Variants in ZNF215 observed in about 807,000 individuals in gnomAD.
The protein encoded by ZNF215 is zinc finger protein 215, also known as BWSCR2-associated zinc finger protein 2.
ZNF215 carries 24 observed loss-of-function variants against 27.2 expected under a neutral mutation model. That is an observed-to-expected ratio of 0.88 (90% CI 0.64 to 1.24). ZNF215 has a LOEUF of 1.24. Among genes scored for constraint, ZNF215 ranks in the 50% most tolerant of loss-of-function variants. ZNF215 has a pLI of 0.00. For synonymous variants in ZNF215, 210 were observed against 204.0 expected (o/e 1.03, Z -0.25); for missense variants, 675 against 605.7 (o/e 1.11, Z -1.20).
chr11:6,958,752 A>T (rs1850455943), downstream of ZNF215, among the ~76,000 whole-genome samples: 1 of 152,150 alleles, frequency 6.6e-6, no homozygotes, highest in African/African-American at 2.4e-5. Flanking sequence ...AAAACCTCAA[A>T]AGTAGGGAAG....
At chr11:6,974,451 T>G (rs1387222295) in intron 5 of ZNF215, among the ~76,000 whole-genome samples, 1 of 152,230 alleles carries the variant, frequency 6.6e-6, no homozygotes, top group African/African-American at 2.4e-5. Flanking sequence ...GGTAGCTTGA[T>G]AGGGATGGCA....
chr11:6,968,997 A>G (rs1850674513), intron 5 of ZNF215, among the ~76,000 whole-genome samples: 3 of 152,108 alleles, frequency 2.0e-5, no homozygotes, highest in African/African-American at 7.2e-5. Flanking sequence ...ATTACATTCT[A>G]TGATTTCTTT....
intron 2 of ZNF215, among the ~76,000 whole-genome samples, chr11:6,928,164 G>C (rs1849126869): frequency 6.6e-6 from 1 of 151,916 alleles, no homozygotes; most frequent in Non-Finnish European, 1.5e-5. Flanking sequence ...CATTTATCAA[G>C]GATTTTCTAT....
downstream of ZNF215, among the ~76,000 whole-genome samples, chr11:6,960,962 A>C (rs1358483815): frequency 1.3e-5 from 2 of 152,150 alleles, no homozygotes; most frequent in Non-Finnish European, 2.9e-5. Flanking sequence ...CTGTAGGTCA[A>C]ATTTGACTCT....
chr11:6,942,805 CT>C (rs1191384812), intron 4 of ZNF215, among the ~76,000 whole-genome samples: 2 of 152,094 alleles, frequency 1.3e-5, no homozygotes, highest in Non-Finnish European at 2.9e-5. Context: ...TTCCAGTTGT[CT>C]TTTTTCCCCC....
chr11:6,963,574 A>G (rs1254412604), intron 5 of ZNF215, among the ~76,000 whole-genome samples: 1 of 152,072 alleles, frequency 6.6e-6, no homozygotes, highest in Non-Finnish European at 1.5e-5. Context: ...AGTTGGAGTT[A>G]AATATAAAAA....
chr11:6,952,591 A>C (rs1850121233), intron 6 of ZNF215, among the ~76,000 whole-genome samples: 2 of 151,704 alleles, frequency 1.3e-5, no homozygotes, highest in Non-Finnish European at 2.9e-5. Flanking sequence ...TGCTCGGTAG[A>C]TCTTCCTCCA....
chr11:6,974,988 C>A (rs1042927758), intron 5 of ZNF215, among the ~76,000 whole-genome samples: 2 of 152,094 alleles, frequency 1.3e-5, no homozygotes, highest in African/African-American at 4.8e-5. Flanking sequence ...AAAGGGAATG[C>A]TTTAAGTTTT....
chr11:6,962,726 C>T (rs1018362291), downstream of ZNF215, among the ~76,000 whole-genome samples: 2 of 152,038 alleles, frequency 1.3e-5, no homozygotes, highest in African/African-American at 4.8e-5. Flanking sequence ...TCCTTGGGCC[C>T]CAGTGCAGAC....
At chr11:6,987,072 G>T (rs1361232691), downstream of ZNF215, among the ~76,000 whole-genome samples, 1 of 152,106 alleles carries the variant, frequency 6.6e-6, no homozygotes, top group Admixed American at 6.6e-5. Flanking sequence ...TTATCAAAAC[G>T]ACACATGCAC....
downstream of ZNF215, among the ~76,000 whole-genome samples, chr11:6,987,208 T>C (rs1564980613): frequency 1.3e-5 from 2 of 152,188 alleles, no homozygotes; most frequent in Non-Finnish European, 2.9e-5. Flanking sequence ...ACGAATGATA[T>C]TATGTCTTTC....
rs565976510 is a variant in ZNF215 at position 6,967,135 on chromosome 11, T to G, written c.805+11353T>G. Reference sequence around the variant, plus strand: ...TTCATCCATGTCCCTGCAAAGGACATAAACTCATCCTTTTTTATGGCTGCA... The same window carrying G: ...TTCATCCATGTCCCTGCAAAGGACAGAAACTCATCCTTTTTTATGGCTGCA... On this transcript the variant is annotated intron_variant, in intron 5 of 5. Coordinates refer to the ZNF215 transcript ENST00000529903. 1.5e-3 allele frequency among the ~76,000 whole-genome samples: 234 copies of G among 152,284 alleles called. 1 individual carries two copies. The highest frequency in any genetic ancestry group is 2.9e-3 in the Non-Finnish European group (200 of 68,012).
chr11:6,978,489 C>G (rs1008725663), intron 5 of ZNF215, among the ~76,000 whole-genome samples: 1 of 151,972 alleles, frequency 6.6e-6, no homozygotes, highest in African/African-American at 2.4e-5. Flanking sequence ...ATACTGAACT[C>G]TGATTAATAT....
chr11:6,977,365 C>T (rs1004221210), intron 5 of ZNF215, among the ~76,000 whole-genome samples: 15 of 152,016 alleles, frequency 9.9e-5, no homozygotes, highest in African/African-American at 3.6e-4. Context: ...GACTGTTAGT[C>T]ACTTAGCAGT....
intron 5 of ZNF215, among the ~76,000 whole-genome samples, chr11:6,970,969 A>G (rs1850708138): frequency 6.6e-6 from 1 of 152,174 alleles, no homozygotes; most frequent in Admixed American, 6.5e-5. Flanking sequence ...AGTGATTGGT[A>G]GAACAATAAC....
At chr11:6,972,334 C>CA (rs1436416002) in intron 5 of ZNF215, among the ~76,000 whole-genome samples, 4 of 150,760 alleles carry the variant, frequency 2.7e-5, no homozygotes, top group Non-Finnish European at 5.9e-5. Context: ...ACTTTATTTA[C>CA]AAAAACAGGT....
chr11:6,971,278 T>C (rs1373658123), intron 5 of ZNF215, among the ~76,000 whole-genome samples: 1 of 152,158 alleles, frequency 6.6e-6, no homozygotes, highest in Non-Finnish European at 1.5e-5. Context: ...ATAATCTAAA[T>C]CCTTTCCATC....
downstream of ZNF215, among the ~76,000 whole-genome samples, chr11:6,992,856 A>C (rs1300976211): frequency 6.6e-6 from 1 of 150,812 alleles, no homozygotes; most frequent in African/African-American, 2.5e-5. Context: ...TTTTAAATCA[A>C]CTCCATCGTA....
chr11:6,994,082 C>G (rs1851150590), intron 6 of ZNF215, among the ~76,000 whole-genome samples: 1 of 151,928 alleles, frequency 6.6e-6, no homozygotes, highest in East Asian at 1.9e-4. Flanking sequence ...TGTGATGTAC[C>G]TTAGGAAAAA....
Sources: gnomAD v4.1 joint callset for allele counts (sites outside exome capture counted in the v4.1 genomes callset) on GRCh38, gnomAD v4.1.1 for gene constraint, MANE v1.5 for transcripts, NCBI Gene and HGNC (gene_info 2026-07-23, HGNC 2026-07-21) for gene names.